Variants in UGGT2 observed in about 807,000 individuals in gnomAD.
UGGT2 encodes the protein UDP-glucose:glycoprotein glucosyltransferase 2.
In UGGT2, 180 loss-of-function variants were observed where a neutral mutation model predicts 192.1. The ratio of observed to expected loss-of-function variants is 0.94; its 90% CI spans 0.83 to 1.06. The LOEUF is 1.06. Ranked by LOEUF, UGGT2 falls within the 50% of genes least tolerant of loss-of-function variation. The probability of loss-of-function intolerance (pLI) is 0.00; values close to 1 mark genes in which losing one functional copy is unlikely to be tolerated. For synonymous variants in UGGT2, 580 were observed against 591.0 expected, an observed-to-expected ratio of 0.98 and a Z score of 0.27; for missense variants, 1,849 against 1,795.7, an observed-to-expected ratio of 1.03 and a Z score of -0.54.
At chr13:95,925,819 A>C (rs2048998979) in intron 19 of UGGT2, 45 bp from the exon 20 acceptor site, 1 of 1,361,532 alleles carries the variant, frequency 7.3e-7, no homozygotes, top group Non-Finnish European at 1.0e-6. Flanking sequence ...TTTTTTTAAA[A>C]AATAAAACAA....
chr13:95,940,866 T>C (rs1276636237), intron 15 of UGGT2, among the ~76,000 whole-genome samples: 2 of 152,202 alleles, frequency 1.3e-5, no homozygotes, highest in Non-Finnish European at 2.9e-5. Context: ...TAGTTGAGAC[T>C]ACAGGCATAA....
At chr13:95,965,297 T>C (rs1273681722) in intron 12 of UGGT2, among the ~76,000 whole-genome samples, 1 of 150,706 alleles carries the variant, frequency 6.6e-6, no homozygotes, top group African/African-American at 2.4e-5. Context: ...CACATGTATG[T>C]TTATTGCGGC....
Position 95,999,280 on chromosome 13 carries a change from A to AT in UGGT2, c.687dup (p.Ser230IlefsTer10). 1 of 1,613,624 alleles carries AT rather than the reference A, an allele frequency of 6.2e-7. No individual in the cohort carries two copies. Among genetic ancestry groups the AT allele is most frequent in the Non-Finnish European group, 8.5e-7 (1 of 1,179,688 alleles). On this transcript the variant is annotated frameshift_variant, in exon 6 of 39. Coordinates refer to ENST00000376747, the MANE Select transcript of UGGT2 (RefSeq NM_020121.4). LOFTEE classifies it high-confidence loss of function. ...ATTGCTAGCTCCACACCATACCCAGATAAGTACATTTTCCGTGAGCTTGGT... is the reference window on the plus strand; with the variant it reads ...ATTGCTAGCTCCACACCATACCCAGATTAAGTACATTTTCCGTGAGCTTGGT...
At position 95,887,917 on chromosome 13, in the gene UGGT2, T is replaced by C; in HGVS notation, c.3013A>G (p.Arg1005Gly). The C allele has an allele frequency of 6.2e-7, 1 of 1,603,580 alleles. No homozygotes were observed. Residue 1005 changes from arginine to glycine, a missense_variant, in exon 26 of 39, where the codon AGG (arginine) becomes GGG (glycine). Transcript: ENST00000376747. ...CTTTCTAAAGGGGCTTCTGAAAGCC[T>C]GCCCCTACAGTTCATGAACAACTTT... ...KIKLFMNCRGRLSEAPLESFY... is the reference protein window; with the variant it reads ...KIKLFMNCRGGLSEAPLESFY...
chr13:96,033,358 A>G (rs2052897117), intron 1 of UGGT2, among the ~76,000 whole-genome samples: 1 of 152,176 alleles, frequency 6.6e-6, no homozygotes, highest in Admixed American at 6.5e-5. Flanking sequence ...GGAGCAAGGA[A>G]CAGGTGGAAG....
chr13:95,805,611 G>T (rs1244893642), intron 38 of UGGT2, among the ~76,000 whole-genome samples: 1 of 151,882 alleles, frequency 6.6e-6, no homozygotes, highest in Admixed American at 6.6e-5. Flanking sequence ...AAAAGGGAAG[G>T]AAATTCTGTC....
intron 22 of UGGT2, among the ~76,000 whole-genome samples, chr13:95,897,863 C>CT (rs2047991635): frequency 6.6e-6 from 1 of 152,174 alleles, no homozygotes; most frequent in Admixed American, 6.5e-5. Flanking sequence ...AATCCTTCCT[C>CT]TGTACTACAC....
Position 95,837,120 on chromosome 13 carries a change from T to C in UGGT2, c.4367A>G (p.Asp1456Gly). The C allele has an allele frequency of 1.2e-6, 2 of 1,614,038 alleles. No homozygotes were observed. The highest frequency in any genetic ancestry group is 1.7e-6 in the Non-Finnish European group (2 of 1,179,924). ...TGTTTTGGCTCTTTGTTTGGATTCA[T>C]CATCACACCAGGTTTCACACCACAG... The part of the protein sequence containing the change: ...DWLWCETWCD[D>G]ESKQRAKTID... Residue 1456 changes from aspartate to glycine, a missense_variant, in exon 37 of 39, where the codon GAT becomes GGT. Coordinates refer to ENST00000376747, the MANE Select transcript of UGGT2 (RefSeq NM_020121.4).
intron 38 of UGGT2, among the ~76,000 whole-genome samples, chr13:95,816,669 A>G (rs1158943741): frequency 6.6e-6 from 1 of 152,218 alleles, no homozygotes; most frequent in African/African-American, 2.4e-5. Context: ...GCACTGGAGG[A>G]AAGGCACAAC....
chr13:95,814,039 A>T (rs1012268477), intron 38 of UGGT2, among the ~76,000 whole-genome samples: 4 of 152,178 alleles, frequency 2.6e-5, no homozygotes, highest in African/African-American at 4.8e-5. Flanking sequence ...AGAATGTATT[A>T]AAAAAAGTCT....
At chr13:95,839,952 G>A (rs909805186) in intron 36 of UGGT2, among the ~76,000 whole-genome samples, 2 of 152,066 alleles carry the variant, frequency 1.3e-5, no homozygotes, top group Non-Finnish European at 2.9e-5. Flanking sequence ...TCAATGGCTA[G>A]TAAACACATA....
chr13:95,832,964 T>A lies in UGGT2; in HGVS notation c.4491A>T (p.Gln1497His). ...EWVEYDAEIR[Q>H]LLDHLENKKQ... Reference sequence around the variant, plus strand: ...TCTTGTTTTCAAGATGATCTAATAGTTGTCTTATCTCAGCATCATACTCCA... The same window carrying A: ...TCTTGTTTTCAAGATGATCTAATAGATGTCTTATCTCAGCATCATACTCCA... Residue 1497 changes from glutamine (Q) to histidine (H), a missense_variant, in exon 38 of 39, where the codon CAA becomes CAT. Transcript: ENST00000376747. The A allele has an allele frequency of 6.2e-7, 1 of 1,612,826 alleles. No individual in the cohort carries two copies. Among genetic ancestry groups the A allele is most frequent in the Non-Finnish European group, 8.5e-7 (1 of 1,179,146 alleles).
At chr13:95,886,801 G>C (rs2047658782) in intron 26 of UGGT2, among the ~76,000 whole-genome samples, 1 of 152,166 alleles carries the variant, frequency 6.6e-6, no homozygotes, top group Admixed American at 6.5e-5. Context: ...CCAGCACTTT[G>C]AGAGAGCAAG....
chr13:95,837,103 C>T lies in UGGT2; in HGVS notation c.4384G>A (p.Ala1462Thr). 6.2e-7 allele frequency: 1 copy of T among 1,613,224 alleles called. No homozygotes were observed. Reference sequence around the variant, plus strand: ...ACACTCACCAGATCAATTGTTTTGGCTCTTTGTTTGGATTCATCATCACAC... The same window carrying T: ...ACACTCACCAGATCAATTGTTTTGGTTCTTTGTTTGGATTCATCATCACAC... Reference protein sequence around the residue: ...TWCDDESKQRAKTIDLCNNPK... With the variant: ...TWCDDESKQRTKTIDLCNNPK... The change falls in exon 37 of 39, where the codon GCC becomes ACC. Residue 1462 changes from alanine (A) to threonine (T), a missense_variant. Coordinates refer to ENST00000376747, the MANE Select transcript of UGGT2 (RefSeq NM_020121.4).
In UGGT2 at chr13:95,863,628, C is replaced by A. The variant is rs1264089210; in HGVS notation, c.3644+1G>T. On this transcript the variant is annotated splice_donor_variant, in intron 31 of 38. Coordinates refer to ENST00000376747, the MANE Select transcript of UGGT2 (RefSeq NM_020121.4). LOFTEE classifies it high-confidence loss of function. The stretch of plus-strand genomic sequence containing the variant: ...GTATTAAAATATTCATTAGTAATTA[C>A]CTTTTAATGGAATCCCACAGTCCTT... 4 of 1,597,202 alleles carry A rather than the reference C, an allele frequency of 2.5e-6. No individual in the cohort carries two copies. Among genetic ancestry groups the A allele is most frequent in the Admixed American group, 1.7e-5 (1 of 59,912 alleles).
At chr13:95,863,543 C>A in intron 31 of UGGT2, 86 bp downstream of exon 31, 1 of 1,077,300 alleles carries the variant, frequency 9.3e-7, no homozygotes. Flanking sequence ...CTTTGCCTTA[C>A]TTAAATTTTC....
chr13:95,959,400 T>C (rs1430874917), intron 12 of UGGT2, among the ~76,000 whole-genome samples: 1 of 152,116 alleles, frequency 6.6e-6, no homozygotes, highest in African/African-American at 2.4e-5. Flanking sequence ...CATCCACCTA[T>C]GGCCGGTGGA....
chr13:95,807,716 C>CTGTTTTTTTTTTTTTT (rs1884377693), intron 38 of UGGT2, among the ~76,000 whole-genome samples: 1 of 78,704 alleles, frequency 1.3e-5, no homozygotes, highest in African/African-American at 5.2e-5. Context: ...CAGCCCTCAC[C>CTGTTTTTTTTTTTTTT]TTTTTTTTTT....
chr13:95,962,663 A>G (rs764150517), intron 12 of UGGT2, among the ~76,000 whole-genome samples: 1 of 152,214 alleles, frequency 6.6e-6, no homozygotes, highest in African/African-American at 2.4e-5. Context: ...AAAAAAATGA[A>G]GAGGAGAGAA....
Sources: allele counts gnomAD v4.1 joint callset (sites outside exome capture counted in the v4.1 genomes callset), GRCh38; gene constraint gnomAD v4.1.1; transcripts MANE v1.5; gene names NCBI Gene and HGNC (gene_info 2026-07-23, HGNC 2026-07-21).